The following ANK1 variants were observed in gnomAD, a reference collection of about 807,000 sequenced individuals.
ANK1 encodes ankyrin 1, also known as ankyrin-1.
In ANK1, 51 loss-of-function variants were observed where a neutral mutation model predicts 210.4. The ratio of observed to expected loss-of-function variants is 0.24; its 90% CI spans 0.19 to 0.31. ANK1 has a LOEUF of 0.31. ANK1 is among the 10% of genes least tolerant of loss of function. ANK1 has a pLI of 1.00. For synonymous variants in ANK1, 967 were observed against 1,025.9 expected (o/e 0.94, Z 1.10); for missense variants, 2,051 against 2,504.4 (o/e 0.82, Z 3.86).
intron 17 of ANK1, among the ~76,000 whole-genome samples, chr8:41,706,951 T>A (rs1186491762): frequency 6.6e-6 from 1 of 151,922 alleles, no homozygotes; most frequent in East Asian, 1.9e-4. Context: ...AATACAAAAA[T>A]AAGCAGGGCG....
Position 41,692,728 on chromosome 8 carries a change from A to T in ANK1, c.3778T>A (p.Cys1260Ser). Reference protein sequence around the residue: ...DPREGRLRCYCMTDDKVDKTL... With the variant: ...DPREGRLRCYSMTDDKVDKTL... Reference sequence around the variant, plus strand: ...TTGTCCACTTTATCATCTGTCATGCAGTAGCAGCGCAGGCGCCCCTCTCGG... The same window carrying T: ...TTGTCCACTTTATCATCTGTCATGCTGTAGCAGCGCAGGCGCCCCTCTCGG... Residue 1260 changes from cysteine (C) to serine (S), a missense_variant, in exon 31 of 43, where the codon TGC becomes AGC. Physicochemically the swap from Cys to Ser is moderately radical, Grantham distance 112. This residue lies in a region of ANK1 where 1,413 missense variants were observed against 1,707.4 expected (regional missense o/e 0.83). Coordinates refer to ENST00000289734, the MANE Select transcript of ANK1 (RefSeq NM_000037.4). 3.1e-6 allele frequency: 5 copies of T among 1,613,532 alleles called. No individual in the cohort carries two copies. The highest frequency in any genetic ancestry group is 4.2e-6 in the Non-Finnish European group (5 of 1,179,954).
At chr8:41,833,172 G>A (rs1806994918) in intron 1 of ANK1, among the ~76,000 whole-genome samples, 1 of 151,498 alleles carries the variant, frequency 6.6e-6, no homozygotes, top group Non-Finnish European at 1.5e-5. Context: ...GCCCATCCCG[G>A]GCCTCCCTCC....
intron 2 of ANK1, among the ~76,000 whole-genome samples, chr8:41,738,404 C>A (rs763115008): frequency 6.6e-6 from 1 of 152,166 alleles, no homozygotes; most frequent in Non-Finnish European, 1.5e-5. Context: ...AAGTCACCAC[C>A]ATCTAGCAGC....
intron 2 of ANK1, among the ~76,000 whole-genome samples, chr8:41,755,326 CA>C (rs1302576895): frequency 6.6e-6 from 1 of 152,244 alleles, no homozygotes; most frequent in Non-Finnish European, 1.5e-5. Context: ...CTGGTGGCAT[CA>C]AAATCTTCCA....
rs373257103 is a variant in ANK1 at position 41,697,812 on chromosome 8, C to T, written c.2637+231G>A. On this transcript the variant is annotated intron_variant, in intron 24 of 42. Transcript: ENST00000289734. ...TGTCCTGGGCTGCATCCAAGGACTG[C>T]GCCACCACAGGAAAGGGCCCCATCT... 252 of 614,828 alleles carry T rather than the reference C, an allele frequency of 4.1e-4. 1 individual carries two copies. In the Middle Eastern group the frequency reaches 0.011, roughly 27 times the overall value. 38.1% of individuals were successfully genotyped at this position (614,828 alleles called of 1,614,324 possible).
intron 37 of ANK1, among the ~76,000 whole-genome samples, chr8:41,681,778 T>C (rs1343949201): frequency 2.3e-5 from 3 of 129,892 alleles, no homozygotes; most frequent in African/African-American, 5.9e-5. Flanking sequence ...CCACCTTCTC[T>C]CCAGAACACA....
chr8:41,693,087 G>A lies in ANK1; in HGVS notation c.3629+18C>T, dbSNP rs1819742175. On this transcript the variant is annotated intron_variant, in intron 30 of 42. Transcript: ENST00000289734. ...AGGACGGCCCACACAATACTGGGCT[G>A]GGCTGGCCTCGTCTCACCTGGCAGA... The A allele has an allele frequency of 1.3e-6, 2 of 1,589,096 alleles. No homozygotes were observed. The highest frequency in any genetic ancestry group is 1.7e-6 in the Non-Finnish European group (2 of 1,157,304).
intron 1 of ANK1, among the ~76,000 whole-genome samples, chr8:41,778,689 C>T (rs182097007): frequency 1.6e-4 from 25 of 152,304 alleles, no homozygotes; most frequent in African/African-American, 4.8e-4. Flanking sequence ...TCGTTGCTAA[C>T]GATCGTATAG....
intron 1 of ANK1, among the ~76,000 whole-genome samples, chr8:41,872,318 C>T (rs949668698): frequency 1.3e-5 from 2 of 152,136 alleles, no homozygotes; most frequent in African/African-American, 4.8e-5. Flanking sequence ...AGCCGCCCAC[C>T]CCAGGGCTGG....
Position 41,715,032 on chromosome 8 carries a change from C to T in ANK1, c.1645G>A (p.Val549Met). 2 of 1,614,146 alleles carry T rather than the reference C, an allele frequency of 1.2e-6. No individual in the cohort carries two copies. Among genetic ancestry groups the T allele is most frequent in the Non-Finnish European group, 1.7e-6 (2 of 1,180,020 alleles). Residue 549 changes from valine to methionine, a missense_variant, in exon 15 of 43, where the codon GTG (valine) becomes ATG (methionine). Val to Met is a conservative substitution (Grantham distance 21). Coordinates refer to ENST00000289734, the MANE Select transcript of ANK1 (RefSeq NM_000037.4). ...TCCAGCAGCAGCTCTGCCACCCGCA[C>T]CTTCCCGTACTTGGCCGCCACGTGC... ...PLHVAAKYGK[V>M]RVAELLLERD... is the part of the protein sequence containing the mutation.
intron 25 of ANK1, 28 bp from the exon 26 acceptor site, chr8:41,696,615 C>T: frequency 6.2e-7 from 1 of 1,612,574 alleles, no homozygotes; most frequent in African/African-American, 1.3e-5. Flanking sequence ...GCACGTTGGG[C>T]TTCTGCATCC....
intron 1 of ANK1, among the ~76,000 whole-genome samples, chr8:41,854,819 G>A (rs995458531): frequency 3.3e-5 from 5 of 151,962 alleles, no homozygotes; most frequent in South Asian, 2.1e-4. Context: ...GTGTGGTTGC[G>A]CACAGCTGTA....
Position 41,692,842 on chromosome 8 carries a change from C to T in ANK1, c.3664G>A (p.Ala1222Thr). 1 of 1,614,074 alleles carries T rather than the reference C, an allele frequency of 6.2e-7. No homozygotes were observed. Among genetic ancestry groups the T allele is most frequent in the Non-Finnish European group, 8.5e-7 (1 of 1,180,028 alleles). Residue 1222 changes from alanine to threonine, a missense_variant, in exon 31 of 43, where the codon GCT (alanine) becomes ACT (threonine). By Grantham distance (58) the Ala-to-Thr change is moderately conservative. This residue lies in a region of ANK1 where 1,413 missense variants were observed against 1,707.4 expected (regional missense o/e 0.83). Transcript: ENST00000289734. ...WLSDCPRTAEAVNFATLLYKE... is the reference protein window; with the variant it reads ...WLSDCPRTAETVNFATLLYKE... The stretch of plus-strand genomic sequence containing the variant: ...TACAGCAGGGTGGCAAAGTTCACAG[C>T]CTCAGCAGTCCGAGGACAGTCCGAC...
rs1817184224 is a variant in ANK1 at position 41,684,687 on chromosome 8, T to G, written c.4394A>C (p.Glu1465Ala). 6.2e-7 allele frequency: 1 copy of G among 1,613,734 alleles called. No individual in the cohort carries two copies. The highest frequency in any genetic ancestry group is 8.5e-7 in the Non-Finnish European group (1 of 1,179,978). The stretch of plus-strand genomic sequence containing the variant: ...GCTCTGCAGGGCTGTGTACAGATTC[T>G]CCACTGTGGGCGCAGAAGAGAGATG... The part of the protein sequence containing the change: ...VIREGQNANM[E>A]NLYTALQSID... Residue 1465 changes from glutamate to alanine, a missense_variant, in exon 37 of 43, where the codon GAG (glutamate) becomes GCG (alanine). This residue lies in a region of ANK1 where 39 missense variants were observed against 75.1 expected (regional missense o/e 0.52). Transcript: ENST00000289734.
chr8:41,686,702 C>T (rs371505700), intron 35 of ANK1, among the ~76,000 whole-genome samples: 1 of 152,230 alleles, frequency 6.6e-6, no homozygotes, highest in African/African-American at 2.4e-5. Flanking sequence ...TGGGCCACGC[C>T]ATGCCCTACT....
chr8:41,664,358 A>G (rs578153129), intron 39 of ANK1: 1 of 365,108 alleles, frequency 2.7e-6, no homozygotes, highest in African/African-American at 2.1e-5. Flanking sequence ...CTGTAGTACC[A>G]GCTACTCAGA....
At chr8:41,798,175 G>A (rs1287240226), upstream of ANK1, among the ~76,000 whole-genome samples, 1 of 152,050 alleles carries the variant, frequency 6.6e-6, no homozygotes. Flanking sequence ...GGTGTGGGGC[G>A]CAGGAGTCCT....
At position 41,693,887 on chromosome 8, in the gene ANK1, G is replaced by A; in HGVS notation, c.3532+11C>T. 6.3e-7 allele frequency: 1 copy of A among 1,598,782 alleles called. No homozygotes were observed. The highest frequency in any genetic ancestry group is 8.5e-7 in the Non-Finnish European group (1 of 1,173,432). On this transcript the variant is annotated intron_variant, in intron 29 of 42. Coordinates refer to ENST00000289734, the MANE Select transcript of ANK1 (RefSeq NM_000037.4). ...AGCCGAGAACAGAAGCGAGGCAGGG[G>A]CCCCTCTCACCAATGACGCTGCAAA... is the stretch of plus-strand genomic sequence containing the variant.
chr8:41,829,561 A>G (rs1434305722), intron 1 of ANK1: 1 of 152,218 alleles, frequency 6.6e-6, no homozygotes, highest in Non-Finnish European at 1.5e-5. Flanking sequence ...GTATTTACAA[A>G]TTAGATTCTC....
Sources: allele counts gnomAD v4.1 joint callset (sites outside exome capture counted in the v4.1 genomes callset), GRCh38; gene constraint gnomAD v4.1.1; regional missense constraint gnomAD v4.1.1; transcripts MANE v1.5; gene names NCBI Gene and HGNC (gene_info 2026-07-23, HGNC 2026-07-21).